Variants in SCUBE1 observed in about 807,000 individuals in gnomAD.
SCUBE1 encodes signal peptide, CUB domain and EGF like domain containing 1.
A neutral mutation model predicts 124.4 loss-of-function variants in SCUBE1; 59 were observed. That is an observed-to-expected ratio of 0.47 (90% CI 0.38 to 0.59). The LOEUF is 0.59. Among genes scored for constraint, SCUBE1 ranks in the 20% least tolerant of loss-of-function variants. SCUBE1 has a pLI of 0.00. For synonymous variants in SCUBE1, 545 were observed against 550.9 expected (o/e 0.99, Z 0.15); for missense variants, 1,150 against 1,371.2 (o/e 0.84, Z 2.55).
At chr22:43,235,711 T>C (rs1922733251) in intron 7 of SCUBE1, among the ~76,000 whole-genome samples, 2 of 152,198 alleles carry the variant, frequency 1.3e-5, no homozygotes, top group African/African-American at 2.4e-5. Flanking sequence ...AGCCCTTCCC[T>C]GCTTCCTTCA....
Position 43,203,116 on chromosome 22 carries a change from A to G in SCUBE1, c.*881T>C, listed in dbSNP as rs979770300. On this transcript the variant is annotated 3_prime_UTR_variant, in exon 22 of 22. Coordinates refer to ENST00000360835, the MANE Select transcript of SCUBE1 (RefSeq NM_173050.5). ...GGCCAACACTCCAGCAGAGCATCTG[A>G]GCCTAGTTCTCGAAGAATTCGTGTT... 6.6e-6 allele frequency: 1 copy of G among 152,194 alleles called. No homozygotes were observed. The highest frequency in any genetic ancestry group is 1.5e-5 in the Non-Finnish European group (1 of 68,052). The allele number at this position is 152,194 out of a possible 1,614,324, so 9.4% of individuals were successfully genotyped here. A position where few individuals can be genotyped will look rare whatever the true frequency, so the allele number is the denominator to read the frequency against.
intron 3 of SCUBE1, among the ~76,000 whole-genome samples, chr22:43,308,902 G>T (rs1470400759): frequency 2.0e-5 from 3 of 152,258 alleles, no homozygotes; most frequent in African/African-American, 7.2e-5. Context: ...GAGATGATGT[G>T]TCCCAAGTTA....
At chr22:43,242,015 C>T (rs1191954003) in intron 6 of SCUBE1, among the ~76,000 whole-genome samples, 2 of 152,240 alleles carry the variant, frequency 1.3e-5, no homozygotes, top group Non-Finnish European at 2.9e-5. Flanking sequence ...ACAGGGATGG[C>T]CATTTATGCG....
chr22:43,236,003 G>T (rs1356071863), intron 7 of SCUBE1, among the ~76,000 whole-genome samples: 3 of 152,166 alleles, frequency 2.0e-5, no homozygotes, highest in East Asian at 3.9e-4. Context: ...CCTGCCCGGG[G>T]TTTGCAGCCC....
intron 14 of SCUBE1, among the ~76,000 whole-genome samples, chr22:43,219,531 T>C (rs951359446): frequency 1.3e-5 from 2 of 150,842 alleles, no homozygotes; most frequent in African/African-American, 4.9e-5. Flanking sequence ...TGGAGCACAG[T>C]GGCGCGATCT....
chr22:43,213,935 C>A (rs1326686478), intron 16 of SCUBE1, among the ~76,000 whole-genome samples, 155 bp downstream of exon 16: 1 of 152,132 alleles, frequency 6.6e-6, no homozygotes, highest in Non-Finnish European at 1.5e-5. Context: ...GCACAGACAT[C>A]GTGAAGGGTT....
At chr22:43,301,441 T>C (rs1351176439) in intron 3 of SCUBE1, among the ~76,000 whole-genome samples, 1 of 152,154 alleles carries the variant, frequency 6.6e-6, no homozygotes, top group African/African-American at 2.4e-5. Context: ...TGTGTCCTGC[T>C]CTCCCTTGAC....
intron 2 of SCUBE1, among the ~76,000 whole-genome samples, chr22:43,331,954 AG>A (rs1465710094): frequency 6.6e-6 from 1 of 152,180 alleles, no homozygotes; most frequent in African/African-American, 2.4e-5. Flanking sequence ...GGCAAGTTTG[AG>A]GAACTAAAAA....
Position 43,197,734 on chromosome 22 carries a change from C to G in SCUBE1, c.*6263G>C, listed in dbSNP as rs961264150. ...GGACACTCGGCAAGGGCACTTGAGC[C>G]TCTGGCTGTGTCTGCTCACGTCGGC... On this transcript the variant is annotated 3_prime_UTR_variant, in exon 22 of 22. Transcript: ENST00000360835. The G allele has an allele frequency of 2.0e-5, 3 of 152,322 alleles. No homozygotes were observed. Among genetic ancestry groups the G allele is most frequent in the Admixed American group, 2.0e-4 (3 of 15,288 alleles). The allele number at this position is 152,322 out of a possible 1,614,324, so 9.4% of individuals were successfully genotyped here.
At chr22:43,270,723 G>C (rs1343143305) in intron 4 of SCUBE1, 1 of 152,294 alleles carries the variant, frequency 6.6e-6, no homozygotes. Flanking sequence ...GGCAGGTAGA[G>C]GCGAAACTGA....
intron 3 of SCUBE1, among the ~76,000 whole-genome samples, chr22:43,301,266 C>T (rs1436907564): frequency 6.6e-6 from 1 of 152,286 alleles, no homozygotes; most frequent in African/African-American, 2.4e-5. Context: ...CATCCTGCCT[C>T]TGTCCATCCT....
rs898607944 is a variant in SCUBE1, at chr22:43,230,398, C to A, written c.968-1210G>T. ...ACGCTTCCCTGCTGGACCTGTGGAG[C>A]CCAGAGCCCCAAGGCCTCAGAAAGA... On this transcript the variant is annotated intron_variant, in intron 8 of 21. Transcript: ENST00000360835. Among the ~76,000 whole-genome samples the A allele has an allele frequency of 5.3e-5, 8 of 151,964 alleles. 1 individual carries two copies.
At position 43,234,157 on chromosome 22, in the gene SCUBE1, G is replaced by A. The variant is rs555419493; in HGVS notation, c.845-2282C>T. Among the ~76,000 whole-genome samples, 2 of 152,174 alleles carry A rather than the reference G, an allele frequency of 1.3e-5. No homozygotes were observed. The highest frequency in any genetic ancestry group is 4.8e-5 in the African/African-American group (2 of 41,538). ...AATCTCTATCATTCCTTCCCCCCGA[G>A]CCCCGGGATTATAGGCAGATGGGGA... is the stretch of plus-strand genomic sequence containing the variant. On this transcript the variant is annotated intron_variant, in intron 7 of 21. Transcript: ENST00000360835. This position sits in a 1 kb window ranked among gnomAD's most constrained non-coding sequence, Gnocchi z 4.4.
At chr22:43,322,159 A>G (rs990672637) in intron 2 of SCUBE1, among the ~76,000 whole-genome samples, 1 of 151,942 alleles carries the variant, frequency 6.6e-6, no homozygotes, top group Non-Finnish European at 1.5e-5. Context: ...AATTTTTTGT[A>G]TTTTTAATAG....
At chr22:43,300,650 T>C (rs569977654) in intron 3 of SCUBE1, among the ~76,000 whole-genome samples, 1 of 152,250 alleles carries the variant, frequency 6.6e-6, no homozygotes, top group South Asian at 2.1e-4. Flanking sequence ...AGATATATGA[T>C]TGGCAAATAC....
In SCUBE1 at chr22:43,234,565, C is replaced by T. The variant is rs954449619; in HGVS notation, c.845-2690G>A. On this transcript the variant is annotated intron_variant, in intron 7 of 21. Transcript: ENST00000360835. The surrounding 1 kb of genome is among the most constrained non-coding windows in gnomAD (Gnocchi z 4.4). The stretch of plus-strand genomic sequence containing the variant: ...AGGCCCGGGCTGGTGTAGCTGGCTG[C>T]CTGGGGGTCAGGATGGAGGGAAGCC... 9.2e-5 allele frequency among the ~76,000 whole-genome samples: 14 copies of T among 152,292 alleles called. No individual in the cohort carries two copies. The highest frequency in any genetic ancestry group is 3.4e-4 in the African/African-American group (14 of 41,560).
intron 3 of SCUBE1, among the ~76,000 whole-genome samples, chr22:43,298,784 G>A (rs1273478009): frequency 6.6e-6 from 1 of 152,160 alleles, no homozygotes; most frequent in East Asian, 1.9e-4. Flanking sequence ...TGGGCTTGGT[G>A]GCTCACGCCT....
intron 6 of SCUBE1, among the ~76,000 whole-genome samples, chr22:43,245,377 T>TG (rs931510275): frequency 2.6e-5 from 4 of 152,076 alleles, no homozygotes; most frequent in African/African-American, 7.2e-5. Context: ...ACCTGTCTGC[T>TG]GGGGGGGTGC....
intron 21 of SCUBE1, among the ~76,000 whole-genome samples, chr22:43,206,369 C>T (rs775432003): frequency 4.6e-5 from 7 of 151,772 alleles, no homozygotes; most frequent in Non-Finnish European, 7.4e-5. Context: ...TCCACAAACA[C>T]ACCACACAGC....
Sources: allele counts gnomAD v4.1 joint callset (sites outside exome capture counted in the v4.1 genomes callset), GRCh38; gene constraint gnomAD v4.1.1; non-coding constraint Gnocchi (gnomAD v3.1); transcripts MANE v1.5; gene names NCBI Gene and HGNC (gene_info 2026-07-23, HGNC 2026-07-21).